The following FOXP4 variants were observed in gnomAD, a reference collection of about 807,000 sequenced individuals.
The protein encoded by FOXP4 is forkhead box protein P4.
Under a neutral mutation model 82.6 loss-of-function variants are expected in FOXP4, and 25 were observed. That is an observed-to-expected ratio of 0.30 (90% CI 0.22 to 0.42). FOXP4 has a LOEUF of 0.42. Among genes scored for constraint, FOXP4 ranks in the 10% least tolerant of loss-of-function variants. FOXP4 has a pLI of 1.00. For missense variants in FOXP4, 785 were observed against 900.9 expected (o/e 0.87, Z 1.65); for synonymous variants, 415 against 388.2 (o/e 1.07, Z -0.81).
intron 1 of FOXP4, among the ~76,000 whole-genome samples, chr6:41,556,585 G>A (rs574091820): frequency 3.9e-5 from 6 of 152,106 alleles, no homozygotes; most frequent in African/African-American, 7.2e-5. Context: ...TGGCCTCCCA[G>A]AGTGCTGGGA....
intron 2 of FOXP4, among the ~76,000 whole-genome samples, chr6:41,576,057 C>T (rs562949482): frequency 6.6e-6 from 1 of 151,684 alleles, no homozygotes; most frequent in East Asian, 1.9e-4. Flanking sequence ...CAACCCCCCC[C>T]CCCACCCTTC....
At chr6:41,576,845 C>T (rs1436855704) in intron 2 of FOXP4, among the ~76,000 whole-genome samples, 2 of 152,154 alleles carry the variant, frequency 1.3e-5, no homozygotes, top group African/African-American at 4.8e-5. Flanking sequence ...CCAGGACTGC[C>T]TAAGGTTGGA....
At chr6:41,597,640 G>T in intron 15 of FOXP4, 141 bp from the exon 16 acceptor site, 1 of 1,057,994 alleles carries the variant, frequency 9.5e-7, no homozygotes, top group Non-Finnish European at 1.3e-6. Flanking sequence ...GGGGCTTGGG[G>T]GTTGCCCAGA....
chr6:41,587,132 G>A lies in FOXP4; in HGVS notation c.634G>A (p.Gly212Arg), dbSNP rs1766181365. The change falls in exon 6 of 17, where the codon GGG becomes AGG. Residue 212 changes from glycine (G) to arginine (R), a missense_variant. Around this residue, in one of 3 missense-constraint regions of FOXP4, gnomAD observed 570 missense variants for 634.0 expected, o/e 0.90. Coordinates refer to ENST00000307972, the MANE Select transcript of FOXP4 (RefSeq NM_001012426.2). ...CAGCCTGCAGCCCAACCAAGCCTCGGGGCCCCTCCAGACCCTTCCGCAAGG... is the reference window on the plus strand; with the variant it reads ...CAGCCTGCAGCCCAACCAAGCCTCGAGGCCCCTCCAGACCCTTCCGCAAGG... ...LVSLQPNQAS[G>R]PLQTLPQAAV... The A allele has an allele frequency of 1.2e-6, 2 of 1,606,934 alleles. No homozygotes were observed. Among genetic ancestry groups the A allele is most frequent in the East Asian group, 4.5e-5 (2 of 44,730 alleles).
chr6:41,594,204 C>G (rs1766687234), intron 13 of FOXP4, among the ~76,000 whole-genome samples: 1 of 152,206 alleles, frequency 6.6e-6, no homozygotes, highest in South Asian at 2.1e-4. Flanking sequence ...GGTGACTTAT[C>G]TTCTTTCTCT....
intron 1 of FOXP4, among the ~76,000 whole-genome samples, chr6:41,551,736 T>G (rs1273218650): frequency 2.6e-5 from 4 of 152,078 alleles, no homozygotes; most frequent in Admixed American, 2.6e-4. Context: ...CAGAAGTTAC[T>G]CAAGTAGCAG....
chr6:41,570,263 T>C, intron 2 of FOXP4: 2 of 466,482 alleles, frequency 4.3e-6, no homozygotes, highest in Non-Finnish European at 8.9e-6. Flanking sequence ...GCCCCTCCCG[T>C]GGAGGAGCCA....
At chr6:41,555,137 T>G (rs1355569751) in intron 1 of FOXP4, among the ~76,000 whole-genome samples, 1 of 151,984 alleles carries the variant, frequency 6.6e-6, no homozygotes, top group Non-Finnish European at 1.5e-5. Context: ...TCCCAGCTAC[T>G]CGGGAGGCTG....
At chr6:41,552,184 A>T (rs1764036260) in intron 1 of FOXP4, among the ~76,000 whole-genome samples, 2 of 152,182 alleles carry the variant, frequency 1.3e-5, no homozygotes, top group Non-Finnish European at 2.9e-5. Context: ...ATGGAGACCC[A>T]GGCCTAAAGA....
At chr6:41,587,609 C>T in intron 7 of FOXP4, 97 bp downstream of exon 7, 1 of 1,114,510 alleles carries the variant, frequency 9.0e-7, no homozygotes, top group Non-Finnish European at 1.3e-6. Context: ...GGGGGTGGAG[C>T]CCACGGACCG....
rs771131879 is a variant in FOXP4 at position 41,590,120 on chromosome 6, G to T, written c.1307G>T (p.Gly436Val). The T allele has an allele frequency of 1.4e-5, 22 of 1,611,700 alleles. No individual in the cohort carries two copies. Among genetic ancestry groups the T allele is most frequent in the Non-Finnish European group, 1.9e-5 (22 of 1,178,314 alleles). The change falls in exon 11 of 17, where the codon GGC (glycine) becomes GTC (valine). Residue 436 changes from glycine to valine, a missense_variant. Gly to Val is a moderately radical substitution (Grantham distance 109). Around this residue, in one of 3 missense-constraint regions of FOXP4, gnomAD observed 570 missense variants for 634.0 expected, o/e 0.90. Coordinates refer to ENST00000307972, the MANE Select transcript of FOXP4 (RefSeq NM_001012426.2). Reference sequence around the variant, plus strand: ...GGCTCTGCCTCCCTGCATGGTGGGGGCCCAGCCCGTCGGAGAAGCAGTGAC... The same window carrying T: ...GGCTCTGCCTCCCTGCATGGTGGGGTCCCAGCCCGTCGGAGAAGCAGTGAC... ...GLGSASLHGG[G>V]PARRRSSDKF...
rs1195214024 is a variant in FOXP4, at chr6:41,565,813, A to G, written c.53A>G (p.Asn18Ser). ...ETIRSAPSGQ[N>S]GVGSLSGQAD... ...ATCAGGTCGGCTCCATCTGGTCAGAATGGCGTGGGCAGCCTCTCTGGGCAA... is the reference window on the plus strand; with the variant it reads ...ATCAGGTCGGCTCCATCTGGTCAGAGTGGCGTGGGCAGCCTCTCTGGGCAA... Residue 18 changes from asparagine (N) to serine (S), a missense_variant, in exon 2 of 17, where the codon AAT becomes AGT. Asn to Ser is a conservative substitution (Grantham distance 46, BLOSUM62 1). Transcript: ENST00000307972. 1 of 1,613,784 alleles carries G rather than the reference A, an allele frequency of 6.2e-7. No individual in the cohort carries two copies. Among genetic ancestry groups the G allele is most frequent in the Middle Eastern group, 1.7e-4 (1 of 6,060 alleles).
Position 41,600,500 on chromosome 6 carries a change from C to G in FOXP4, c.*1564C>G, listed in dbSNP as rs1384242587. 6.6e-6 allele frequency: 1 copy of G among 152,480 alleles called. No homozygotes were observed. The highest frequency in any genetic ancestry group is 1.5e-5 in the Non-Finnish European group (1 of 68,098). 9.4% of individuals were successfully genotyped at this position (152,480 alleles called of 1,614,324 possible). On this transcript the variant is annotated 3_prime_UTR_variant, in exon 17 of 17. Transcript: ENST00000307972. ...CTCCTTGGATATTTCCCAAGAACCC[C>G]CCACATACACCCCTCACAAGCCACC...
At chr6:41,577,612 T>C (rs1765558577) in intron 2 of FOXP4, among the ~76,000 whole-genome samples, 1 of 152,216 alleles carries the variant, frequency 6.6e-6, no homozygotes, top group Non-Finnish European at 1.5e-5. Context: ...CTCTTGCCTG[T>C]ACAGTGCCTG....
At position 41,588,761 on chromosome 6, in the gene FOXP4, A is replaced by G. The variant is rs768019755; in HGVS notation, c.1065+30A>G. The stretch of plus-strand genomic sequence containing the variant: ...GGCCCGGAAGATGCTGGGGAGGGAC[A>G]TGGTGGGCTCCAGCCCCTGCCCACC... On this transcript the variant is annotated intron_variant, in intron 9 of 16. Transcript: ENST00000307972. 9.3e-6 allele frequency: 15 copies of G among 1,611,322 alleles called. No homozygotes were observed. The Admixed American group carries it at 2.0e-4, about 21-fold the overall frequency.
intron 1 of FOXP4, among the ~76,000 whole-genome samples, chr6:41,556,103 A>C (rs1764259473): frequency 6.6e-6 from 1 of 152,094 alleles, no homozygotes; most frequent in Non-Finnish European, 1.5e-5. Flanking sequence ...CTTGGATTCC[A>C]GAGTGACTCG....
chr6:41,589,745 ACCT>A (rs1327567368), intron 9 of FOXP4, 23 bp from the exon 10 acceptor site: 5 of 1,607,032 alleles, frequency 3.1e-6, no homozygotes, highest in South Asian at 1.1e-5. Flanking sequence ...CCTCCCGCTC[ACCT>A]CCTGCTTTGC....
chr6:41,587,529 T>G lies in FOXP4; in HGVS notation c.872+17T>G. ...GAGAGACAGGTACAGGGGTCCAGGC[T>G]GGGAGGGGCATCAAAGGCCTGCCTG... On this transcript the variant is annotated intron_variant, in intron 7 of 16. Transcript: ENST00000307972. 1 of 1,512,870 alleles carries G rather than the reference T, an allele frequency of 6.6e-7. No homozygotes were observed. Among genetic ancestry groups the G allele is most frequent in the African/African-American group, 1.4e-5 (1 of 71,656 alleles). 93.7% of individuals were successfully genotyped at this position (1,512,870 alleles called of 1,614,324 possible).
chr6:41,576,504 G>A (rs1204165757), intron 2 of FOXP4, among the ~76,000 whole-genome samples: 2 of 152,130 alleles, frequency 1.3e-5, no homozygotes, highest in Non-Finnish European at 2.9e-5. Context: ...GAGAATAGGG[G>A]CCCATACAGA....
Sources: gnomAD v4.1 joint callset for allele counts (sites outside exome capture counted in the v4.1 genomes callset) on GRCh38, gnomAD v4.1.1 for gene constraint, gnomAD v4.1.1 regional missense constraint, MANE v1.5 for transcripts, NCBI Gene and HGNC (gene_info 2026-07-23, HGNC 2026-07-21) for gene names.